DPP6: variants seen among roughly 807,000 people sequenced by gnomAD.
DPP6 encodes dipeptidyl peptidase like 6.
DPP6 carries 69 observed loss-of-function variants against 122.6 expected under a neutral mutation model. The ratio of observed to expected loss-of-function variants is 0.56; its 90% CI spans 0.46 to 0.69. The LOEUF (loss-of-function observed/expected upper bound fraction) is 0.69. Ranked by LOEUF, DPP6 falls within the 30% of genes least tolerant of loss-of-function variation. DPP6 has a pLI of 0.00. For missense variants in DPP6, 928 were observed against 1,116.9 expected (o/e 0.83, Z 2.41); for synonymous variants, 418 against 433.1 (o/e 0.97, Z 0.43).
At chr7:154,743,486 G>A (rs574464002) in intron 8 of DPP6, among the ~76,000 whole-genome samples, 3 of 152,258 alleles carry the variant, frequency 2.0e-5, no homozygotes, top group East Asian at 1.9e-4. Context: ...AGAGAAAGTC[G>A]GAGCGGAGTG....
At chr7:154,260,279 G>T (rs76506159) in intron 1 of DPP6, among the ~76,000 whole-genome samples, 5,848 of 152,212 alleles carry the variant, frequency 0.038, 212 homozygotes, top group East Asian at 0.16. Context: ...GTTGTGATCG[G>T]ATTCACTTTT....
At chr7:154,251,939 A>C (rs977534210) in intron 1 of DPP6, among the ~76,000 whole-genome samples, 1 of 152,178 alleles carries the variant, frequency 6.6e-6, no homozygotes, top group Admixed American at 6.5e-5. Context: ...AATACTTTGC[A>C]TCCTTCATTC....
chr7:154,397,418 T>C (rs1815185863), intron 1 of DPP6, among the ~76,000 whole-genome samples: 1 of 152,186 alleles, frequency 6.6e-6, no homozygotes, highest in African/African-American at 2.4e-5. Flanking sequence ...AAACCTCCTT[T>C]AGAAACGAGA....
At chr7:153,756,771 A>C in the DPP6 span, among the ~76,000 whole-genome samples, 6 of 151,858 alleles carry the variant, frequency 4.0e-5, no homozygotes, top group East Asian at 9.7e-4. Flanking sequence ...AACATAAATT[A>C]CTTTTATGAC....
chr7:153,890,386 G>T (rs1178203961), intron 1 of DPP6, among the ~76,000 whole-genome samples: 2 of 152,190 alleles, frequency 1.3e-5, no homozygotes, highest in Non-Finnish European at 1.5e-5. Flanking sequence ...GCCCCTGCTC[G>T]CTGACATCCA....
At chr7:154,713,182 A>G (rs753599105) in intron 7 of DPP6, among the ~76,000 whole-genome samples, 23 of 152,260 alleles carry the variant, frequency 1.5e-4, no homozygotes, top group Admixed American at 3.3e-4. Context: ...GCAACAAGTG[A>G]GCGCCCATGG....
In DPP6 at chr7:154,684,775, G is replaced by A. The variant is rs1344795977; in HGVS notation, c.762+15334G>A. On this transcript the variant is annotated intron_variant, in intron 7 of 25. Coordinates refer to ENST00000377770, the MANE Select transcript of DPP6 (RefSeq NM_130797.4). ...GTTTTCTCCATGGCCATACAAAGTCGTGTTTCTAAAATTAGCTGGGTGATC... is the reference window on the plus strand; with the variant it reads ...GTTTTCTCCATGGCCATACAAAGTCATGTTTCTAAAATTAGCTGGGTGATC... Among the ~76,000 whole-genome samples the A allele has an allele frequency of 3.3e-5, 5 of 152,308 alleles. No homozygotes were observed. The East Asian group carries it at 5.8e-4, about 18-fold the overall frequency.
At chr7:153,888,901 T>C (rs1423704500) in intron 1 of DPP6, among the ~76,000 whole-genome samples, 2 of 152,262 alleles carry the variant, frequency 1.3e-5, no homozygotes, top group Non-Finnish European at 2.9e-5. Flanking sequence ...AGAGGCACCT[T>C]TGCGGGAACC....
At chr7:154,519,471 C>T (rs1327815374) in intron 3 of DPP6, among the ~76,000 whole-genome samples, 1 of 152,206 alleles carries the variant, frequency 6.6e-6, no homozygotes, top group Admixed American at 6.5e-5. Flanking sequence ...AACAGTGCAC[C>T]ACAGCCACTG....
At chr7:154,526,393 A>C (rs77271781) in intron 3 of DPP6, among the ~76,000 whole-genome samples, 4,163 of 152,278 alleles carry the variant, frequency 0.027, 88 homozygotes, top group South Asian at 0.082. Context: ...ATGAAACATA[A>C]TCACTTAATA....
intron 1 of DPP6, among the ~76,000 whole-genome samples, chr7:154,236,213 A>G (rs1427515151): frequency 6.6e-6 from 1 of 152,194 alleles, no homozygotes; most frequent in Non-Finnish European, 1.5e-5. Flanking sequence ...AATGTTGTTA[A>G]ATTTAATAAT....
chr7:154,002,755 G>C (rs944557962), intron 1 of DPP6, among the ~76,000 whole-genome samples: 6 of 152,156 alleles, frequency 3.9e-5, no homozygotes, highest in African/African-American at 1.4e-4. Flanking sequence ...GTCTCAATTT[G>C]CCATCTCTGC....
intron 1 of DPP6, among the ~76,000 whole-genome samples, chr7:154,252,213 C>CGTGT (rs141850746): frequency 0.013 from 1,947 of 150,558 alleles, 37 homozygotes; most frequent in African/African-American, 0.039. Context: ...CACAATGTCA[C>CGTGT]GTGTGTGTGT....
At chr7:153,768,646 T>C in the DPP6 span, among the ~76,000 whole-genome samples, 1 of 152,172 alleles carries the variant, frequency 6.6e-6, no homozygotes, top group Non-Finnish European at 1.5e-5. Context: ...TTATTGGCCA[T>C]GTATATTGTC....
At chr7:154,432,276 TTATATCATGCTGC>T (rs1818488002) in intron 1 of DPP6, among the ~76,000 whole-genome samples, 1 of 152,224 alleles carries the variant, frequency 6.6e-6, no homozygotes. Context: ...TGAAAATTGC[TTATATCATGCTGC>T]TATGTTACAA....
chr7:154,627,338 G>A (rs577765725), intron 5 of DPP6, among the ~76,000 whole-genome samples: 1 of 151,618 alleles, frequency 6.6e-6, no homozygotes, highest in African/African-American at 2.4e-5. Flanking sequence ...TGGGACTACA[G>A]GCCCCTGCCA....
intron 5 of DPP6, among the ~76,000 whole-genome samples, chr7:154,572,520 T>A (rs1314965975): frequency 1.8e-5 from 1 of 54,478 alleles, no homozygotes; most frequent in Non-Finnish European, 3.6e-5. Flanking sequence ...CTTTTTTTTT[T>A]TTTTTTTTTT....
chr7:154,711,210 T>A (rs1330110254), intron 7 of DPP6, among the ~76,000 whole-genome samples: 1 of 152,210 alleles, frequency 6.6e-6, no homozygotes, highest in African/African-American at 2.4e-5. Flanking sequence ...CCCTTAATAA[T>A]AACATGTTGG....
chr7:153,876,574 A>G, the DPP6 span, among the ~76,000 whole-genome samples: 5 of 152,232 alleles, frequency 3.3e-5, no homozygotes, highest in African/African-American at 1.2e-4. Context: ...CCAAAAATAA[A>G]AATTACAAAG....
Sources: allele counts gnomAD v4.1 joint callset (sites outside exome capture counted in the v4.1 genomes callset), GRCh38; gene constraint gnomAD v4.1.1; transcripts MANE v1.5; gene names NCBI Gene and HGNC (gene_info 2026-07-23, HGNC 2026-07-21).